NTM: variants seen among roughly 807,000 people sequenced by gnomAD.
The protein encoded by NTM is neurotrimin.
A neutral mutation model predicts 42.1 loss-of-function variants in NTM; 13 were observed. The observed-to-expected ratio is 0.31, with a 90% CI of 0.20 to 0.49. The LOEUF is 0.49. Ranked by LOEUF, NTM falls within the 20% of genes least tolerant of loss-of-function variation. NTM has a pLI of 0.99. For missense variants in NTM, 373 were observed against 452.8 expected (o/e 0.82, Z 1.60); for synonymous variants, 187 against 179.2 (o/e 1.04, Z -0.35).
chr11:131,825,862 G>C (rs1427457506), intron 1 of NTM, among the ~76,000 whole-genome samples: 1 of 152,142 alleles, frequency 6.6e-6, no homozygotes, highest in African/African-American at 2.4e-5. Flanking sequence ...TGACTATGAA[G>C]AGTTTATAGT....
At chr11:131,925,169 T>A (rs2057768616) in intron 2 of NTM, among the ~76,000 whole-genome samples, 1 of 152,160 alleles carries the variant, frequency 6.6e-6, no homozygotes, top group Non-Finnish European at 1.5e-5. Context: ...CTATAATTGG[T>A]GAAAATACCT....
At chr11:132,126,824 C>T (rs1424879926) in intron 2 of NTM, among the ~76,000 whole-genome samples, 1 of 152,130 alleles carries the variant, frequency 6.6e-6, no homozygotes, top group African/African-American at 2.4e-5. Context: ...CTGCCAGCTG[C>T]CCCTCCTTTG....
intron 2 of NTM, among the ~76,000 whole-genome samples, chr11:132,048,485 T>C (rs1222152219): frequency 1.3e-5 from 2 of 152,198 alleles, no homozygotes; most frequent in African/African-American, 4.8e-5. Flanking sequence ...GCTTTTCTTG[T>C]GTTCACCTCT....
At position 131,789,604 on chromosome 11, in the gene NTM, G is replaced by GA. The variant is rs2090392022; in HGVS notation, c.83-121958dup. On this transcript the variant is annotated intron_variant, in intron 1 of 8. Transcript: ENST00000683400. ...AGAAGAAGAAGAAGAAGAAGAAGAAGAAGAAGAAGAAGAAGAAGAAGAAGA... is the reference window on the plus strand; with the variant it reads ...AGAAGAAGAAGAAGAAGAAGAAGAAGAAAGAAGAAGAAGAAGAAGAAGAAGA... Among the ~76,000 whole-genome samples the GA allele has an allele frequency of 6.0e-5, 5 of 83,842 alleles. 1 individual carries two copies. Among genetic ancestry groups the GA allele is most frequent in the Non-Finnish European group, 1.2e-4 (5 of 42,846 alleles). 55.0% of individuals were successfully genotyped at this position (83,842 alleles called of 152,430 possible).
At chr11:131,484,294 G>T (rs1953925173) in intron 1 of NTM, among the ~76,000 whole-genome samples, 1 of 152,188 alleles carries the variant, frequency 6.6e-6, no homozygotes, top group South Asian at 2.1e-4. Context: ...ACAGACTAAA[G>T]AAAGGTTTTT....
chr11:131,626,104 TAAA>T (rs2063078883), intron 1 of NTM, among the ~76,000 whole-genome samples: 1 of 152,158 alleles, frequency 6.6e-6, no homozygotes, highest in Non-Finnish European at 1.5e-5. Flanking sequence ...TTTATTAAAA[TAAA>T]TTTAATTTTA....
At chr11:132,079,798 A>G (rs1451297649) in intron 2 of NTM, among the ~76,000 whole-genome samples, 2 of 152,190 alleles carry the variant, frequency 1.3e-5, no homozygotes, top group Admixed American at 1.3e-4. Context: ...ATTTTATACT[A>G]TTAATATGAT....
At chr11:132,139,955 T>C (rs187430674) in intron 2 of NTM, among the ~76,000 whole-genome samples, 63 of 152,346 alleles carry the variant, frequency 4.1e-4, no homozygotes, top group Admixed American at 1.3e-4. Context: ...TCAGCAATGT[T>C]ACATCCCTAA....
chr11:132,192,869 C>A (rs922144485), intron 3 of NTM, among the ~76,000 whole-genome samples: 2 of 152,070 alleles, frequency 1.3e-5, no homozygotes, highest in Non-Finnish European at 2.9e-5. Context: ...TCAGATAAAA[C>A]AGATTTTAAA....
At chr11:131,893,838 G>T (rs369692506) in intron 1 of NTM, among the ~76,000 whole-genome samples, 7 of 152,140 alleles carry the variant, frequency 4.6e-5, no homozygotes, top group East Asian at 3.9e-4. Flanking sequence ...TGAGTGAAAG[G>T]TGGCCACCTT....
intron 1 of NTM, among the ~76,000 whole-genome samples, chr11:131,730,162 T>G: frequency 6.6e-6 from 1 of 152,204 alleles, no homozygotes; most frequent in East Asian, 1.9e-4. Flanking sequence ...CACTGTGAGT[T>G]TGACTTCCAT....
chr11:131,867,436 T>A (rs1303650981), intron 1 of NTM, among the ~76,000 whole-genome samples: 1 of 151,976 alleles, frequency 6.6e-6, no homozygotes, highest in African/African-American at 2.4e-5. Context: ...TCAGTGTGAA[T>A]AACCATATGT....
intron 4 of NTM, among the ~76,000 whole-genome samples, chr11:132,280,472 CTT>C (rs2093927420): frequency 8.0e-6 from 1 of 125,674 alleles, no homozygotes; most frequent in African/African-American, 3.0e-5. Context: ...CTGATACTCT[CTT>C]CTTTTTTTTT....
At chr11:131,477,908 G>A (rs894873608) in intron 1 of NTM, among the ~76,000 whole-genome samples, 9 of 151,308 alleles carry the variant, frequency 5.9e-5, no homozygotes, top group African/African-American at 1.7e-4. Context: ...TCTGACAATT[G>A]CTGTTCCTTA....
chr11:131,876,971 G>GC (rs938867029), intron 1 of NTM, among the ~76,000 whole-genome samples: 87 of 151,648 alleles, frequency 5.7e-4, no homozygotes, highest in African/African-American at 2.0e-3. Context: ...CAATTCTTGT[G>GC]CCACAGCCTC....
intron 1 of NTM, among the ~76,000 whole-genome samples, chr11:131,418,501 T>A (rs1050953194): frequency 5.9e-5 from 9 of 152,202 alleles, no homozygotes; most frequent in Non-Finnish European, 1.3e-4. Flanking sequence ...TTTCAAAGAC[T>A]GGGCTTTAAG....
At chr11:131,471,267 A>G (rs954905799) in intron 1 of NTM, among the ~76,000 whole-genome samples, 4 of 152,180 alleles carry the variant, frequency 2.6e-5, no homozygotes, top group Admixed American at 6.5e-5. Context: ...CTGTTTACCT[A>G]TTTGCCTTCC....
chr11:131,974,305 G>A (rs2063993333), intron 2 of NTM, among the ~76,000 whole-genome samples: 2 of 152,150 alleles, frequency 1.3e-5, no homozygotes, highest in African/African-American at 4.8e-5. Flanking sequence ...ATGAATGAAT[G>A]AATTGTGTTA....
At chr11:132,073,171 G>A (rs1020085861) in intron 2 of NTM, among the ~76,000 whole-genome samples, 19 of 152,092 alleles carry the variant, frequency 1.2e-4, no homozygotes, top group Non-Finnish European at 5.9e-5. Context: ...CAAACTAAGT[G>A]TCCTCTGTAT....
Sources: allele counts gnomAD v4.1 joint callset (sites outside exome capture counted in the v4.1 genomes callset), GRCh38; gene constraint gnomAD v4.1.1; transcripts MANE v1.5; gene names NCBI Gene and HGNC (gene_info 2026-07-23, HGNC 2026-07-21).